The following ASH1L variants were observed in gnomAD, a reference collection of about 807,000 sequenced individuals.
The protein encoded by ASH1L is ASH1 like histone lysine methyltransferase.
A neutral mutation model predicts 269.0 loss-of-function variants in ASH1L; 23 were observed. That is an observed-to-expected ratio of 0.09 (90% CI 0.06 to 0.12). The LOEUF (loss-of-function observed/expected upper bound fraction) is 0.12, where lower values mean the gene tolerates loss of function less well. ASH1L is among the 10% of genes least tolerant of loss of function. The pLI is 1.00. For missense variants in ASH1L, 2,912 were observed against 3,567.8 expected (o/e 0.82, Z 4.68); for synonymous variants, 1,187 against 1,253.5 (o/e 0.95, Z 1.12).
chr1:155,401,830 T>C (rs1037302455), intron 6 of ASH1L, among the ~76,000 whole-genome samples: 1 of 150,782 alleles, frequency 6.6e-6, no homozygotes, highest in Non-Finnish European at 1.5e-5. Context: ...GGCTCATGCC[T>C]GTAATCCCAG....
At chr1:155,412,694 T>G (rs1169952711) in intron 6 of ASH1L, among the ~76,000 whole-genome samples, 1 of 152,098 alleles carries the variant, frequency 6.6e-6, no homozygotes, top group African/African-American at 2.4e-5. Flanking sequence ...AGCTGGTTGG[T>G]CAGAAGTTCT....
intron 10 of ASH1L, among the ~76,000 whole-genome samples, chr1:155,374,596 T>C (rs1264488103): frequency 6.6e-6 from 1 of 152,220 alleles, no homozygotes; most frequent in East Asian, 1.9e-4. Context: ...TGCTGACTTC[T>C]TTGGTACATG....
chr1:155,491,415 A>C (rs1047952472), intron 2 of ASH1L, among the ~76,000 whole-genome samples: 4 of 152,004 alleles, frequency 2.6e-5, no homozygotes, highest in African/African-American at 9.7e-5. Context: ...TCTTTTATGT[A>C]TTCAAATACT....
intron 8 of ASH1L, 63 bp downstream of exon 8, chr1:155,379,980 G>C (rs1656796259): frequency 3.3e-6 from 4 of 1,198,986 alleles, no homozygotes. Context: ...AAAAACACTT[G>C]CATTTCCACC....
intron 1 of ASH1L, among the ~76,000 whole-genome samples, chr1:155,560,412 G>T (rs115907380): frequency 6.6e-6 from 1 of 152,082 alleles, no homozygotes; most frequent in African/African-American, 2.4e-5. Flanking sequence ...TTCATAGAGG[G>T]GATTCTTACT....
At chr1:155,381,871 G>A (rs1451208238) in intron 7 of ASH1L, among the ~76,000 whole-genome samples, 1 of 151,800 alleles carries the variant, frequency 6.6e-6, no homozygotes, top group Non-Finnish European at 1.5e-5. Context: ...AGGCAACAGA[G>A]TGAGACACGG....
intron 2 of ASH1L, among the ~76,000 whole-genome samples, chr1:155,516,408 C>G (rs1668506469): frequency 2.6e-5 from 4 of 152,176 alleles, no homozygotes; most frequent in African/African-American, 9.7e-5. Flanking sequence ...GCAGACGACA[C>G]AGTTTTATAT....
chr1:155,440,568 A>G, intron 4 of ASH1L: 2 of 948,768 alleles, frequency 2.1e-6, no homozygotes, highest in Non-Finnish European at 2.5e-6. Flanking sequence ...TGACTTCTAA[A>G]TATTCATACC....
intron 2 of ASH1L, among the ~76,000 whole-genome samples, chr1:155,513,395 C>T (rs1450223102): frequency 1.3e-5 from 2 of 151,514 alleles, no homozygotes; most frequent in East Asian, 3.9e-4. Flanking sequence ...CATGGTGAAA[C>T]CCCCATGTCT....
At chr1:155,394,559 A>G (rs1431390862) in intron 7 of ASH1L, among the ~76,000 whole-genome samples, 1 of 152,154 alleles carries the variant, frequency 6.6e-6, no homozygotes, top group African/African-American at 2.4e-5. Context: ...GGAGTAGGAT[A>G]TATTTCAGGG....
At position 155,370,063 on chromosome 1, in the gene ASH1L, G is replaced by A. The variant is rs566181360; in HGVS notation, c.6686+441C>T. On this transcript the variant is annotated intron_variant, in intron 12 of 27. Transcript: ENST00000392403. ...ATTACAGGCATGAGCCAACACACCC[G>A]GCCTATTATCATTATTTTTTGTTTT... 17 of 176,440 alleles carry A rather than the reference G, an allele frequency of 9.6e-5. No individual in the cohort carries two copies. In the East Asian group the frequency reaches 2.2e-3, roughly 23 times the overall value. The allele number at this position is 176,440 out of a possible 1,614,324, so 10.9% of individuals were successfully genotyped here.
At chr1:155,442,089 C>CT (rs1662627235) in intron 4 of ASH1L, among the ~76,000 whole-genome samples, 1 of 152,032 alleles carries the variant, frequency 6.6e-6, no homozygotes, top group Non-Finnish European at 1.5e-5. Flanking sequence ...TTTGAGATGA[C>CT]TTTACCTCAC....
At position 155,482,193 on chromosome 1, in the gene ASH1L, G is replaced by A; in HGVS notation, c.677C>T (p.Thr226Ile). 1.9e-6 allele frequency: 3 copies of A among 1,614,140 alleles called. No homozygotes were observed. Among genetic ancestry groups the A allele is most frequent in the Non-Finnish European group, 2.5e-6 (3 of 1,180,004 alleles). The change falls in exon 3 of 28, where the codon ACC becomes ATC. Residue 226 changes from threonine (T) to isoleucine (I), a missense_variant. By Grantham distance (89) the Thr-to-Ile change is moderately conservative (BLOSUM62 -1). This residue lies in a region of ASH1L where 277 missense variants were observed against 367.7 expected (regional missense o/e 0.75). Coordinates refer to ENST00000392403, the MANE Select transcript of ASH1L (RefSeq NM_018489.3). ...VTEKLAQLIA[T>I]CPPSKSSKTK... ...CTTGGAAGACTTGGAAGGAGGACAG[G>A]TAGCAATCAGCTGTGCCAACTTTTC...
intron 1 of ASH1L, among the ~76,000 whole-genome samples, chr1:155,553,947 C>T (rs2148917140): frequency 6.6e-6 from 1 of 152,106 alleles, no homozygotes. Context: ...CAGGCGTGTG[C>T]CACTACGCCT....
intron 6 of ASH1L, among the ~76,000 whole-genome samples, chr1:155,398,063 A>G (rs1658515101): frequency 6.6e-6 from 1 of 152,200 alleles, no homozygotes; most frequent in Admixed American, 6.5e-5. Context: ...TGGATTTAAA[A>G]CAATGTTCCA....
rs371145484 is a variant in ASH1L, at chr1:155,495,433, C to CA, written c.421-12985dup. Among the ~76,000 whole-genome samples, 905 of 150,166 alleles carry CA rather than the reference C, an allele frequency of 6.0e-3. 9 individuals are homozygous for CA. Among genetic ancestry groups the CA allele is most frequent in the African/African-American group, 0.021 (858 of 40,962 alleles). On this transcript the variant is annotated intron_variant, in intron 2 of 27. Coordinates refer to ENST00000392403, the MANE Select transcript of ASH1L (RefSeq NM_018489.3). ...CTGTACTGAACACTATAGGCCACTG[C>CA]AAAAAAAATAGGATTTTTGTATATA...
intron 2 of ASH1L, among the ~76,000 whole-genome samples, chr1:155,491,014 A>G (rs1666745112): frequency 1.1e-5 from 1 of 92,914 alleles, no homozygotes; most frequent in African/African-American, 3.9e-5. Context: ...AAAAAAAAAA[A>G]GACTTCCTAT....
rs187535889 is a variant in ASH1L, at chr1:155,339,597, C to T, written c.8461-229G>A. Among the ~76,000 whole-genome samples, 4 of 152,220 alleles carry T rather than the reference C, an allele frequency of 2.6e-5. No homozygotes were observed. In the East Asian group the frequency reaches 5.8e-4, roughly 22 times the overall value. ...GGATAAGTGCACAATTTTCTCTATC[C>T]CATTTCACCTTTTAAATACAGTCAT... On this transcript the variant is annotated intron_variant, in intron 25 of 27. Transcript: ENST00000392403.
chr1:155,548,783 G>T (rs556308075), intron 1 of ASH1L, among the ~76,000 whole-genome samples: 1 of 152,100 alleles, frequency 6.6e-6, no homozygotes, highest in African/African-American at 2.4e-5. Context: ...AAGTTCTTTG[G>T]CTCTAAATAG....
Sources: gnomAD v4.1 joint callset for allele counts (sites outside exome capture counted in the v4.1 genomes callset) on GRCh38, gnomAD v4.1.1 for gene constraint, gnomAD v4.1.1 regional missense constraint, MANE v1.5 for transcripts, NCBI Gene and HGNC (gene_info 2026-07-23, HGNC 2026-07-21) for gene names.